Variants in ABCB11 observed in about 807,000 individuals in gnomAD.
ABCB11 encodes the protein bile salt export pump.
Under a neutral mutation model 148.0 loss-of-function variants are expected in ABCB11, and 95 were observed. That is an observed-to-expected ratio of 0.64 (90% CI 0.54 to 0.76). The LOEUF is 0.76. Among genes scored for constraint, ABCB11 ranks in the 30% least tolerant of loss-of-function variants. The pLI is 0.00. For synonymous variants in ABCB11, 591 were observed against 555.4 expected (o/e 1.06, Z -0.90); for missense variants, 1,523 against 1,617.8 (o/e 0.94, Z 1.01).
At position 168,990,785 on chromosome 2, in the gene ABCB11, A is replaced by C; in HGVS notation, c.908+16T>G. On this transcript the variant is annotated intron_variant, in intron 9 of 27. Transcript: ENST00000650372. ...TTGATGAAATTAAGGAAAGAATCAG[A>C]TTCCAATTAACCAACCTTTCAACCT... 1 of 1,612,314 alleles carries C rather than the reference A, an allele frequency of 6.2e-7. No homozygotes were observed. Among genetic ancestry groups the C allele is most frequent in the Non-Finnish European group, 8.5e-7 (1 of 1,179,028 alleles).
At chr2:168,935,143 T>C (rs367617369) in intron 23 of ABCB11, 41 bp downstream of exon 23, 48 of 1,610,232 alleles carry the variant, frequency 3.0e-5, no homozygotes, top group Non-Finnish European at 3.9e-5. Context: ...ATTCCTTCCT[T>C]GTGTGTTGAT....
chr2:169,016,345 C>T (rs1695355790), intron 3 of ABCB11, among the ~76,000 whole-genome samples: 2 of 152,204 alleles, frequency 1.3e-5, no homozygotes, highest in Non-Finnish European at 2.9e-5. Context: ...CTAATCCCGC[C>T]TTCATACCAG....
At chr2:168,944,988 A>G (rs983311275) in intron 19 of ABCB11, 27 bp from the exon 20 acceptor site, 2 of 1,387,762 alleles carry the variant, frequency 1.4e-6, no homozygotes, top group South Asian at 2.7e-5. Context: ...ACAAGAAAGT[A>G]ACTTTATTAT....
At chr2:169,013,629 T>A (rs1695260785) in intron 4 of ABCB11, 119 bp from the exon 5 acceptor site, 5 of 723,430 alleles carry the variant, frequency 6.9e-6, no homozygotes, top group Non-Finnish European at 1.1e-5. Flanking sequence ...TTCATGGGAA[T>A]CACCTTAATT....
intron 5 of ABCB11, among the ~76,000 whole-genome samples, chr2:169,012,421 T>G (rs796544986): frequency 3.3e-5 from 5 of 152,206 alleles, no homozygotes; most frequent in African/African-American, 1.2e-4. Context: ...ACTGTGTCTG[T>G]GTGAGTTCTG....
At chr2:168,993,655 G>T in intron 8 of ABCB11, 56 bp downstream of exon 8, 1 of 1,504,360 alleles carries the variant, frequency 6.6e-7, no homozygotes, top group Admixed American at 2.0e-5. Flanking sequence ...TCACATTTTT[G>T]GCTGTTTATG....
At chr2:168,916,687 T>C (rs955690538), downstream of ABCB11, among the ~76,000 whole-genome samples, 3 of 152,228 alleles carry the variant, frequency 2.0e-5, no homozygotes, top group Admixed American at 2.0e-4. Flanking sequence ...GTGAGATCAT[T>C]TACTTGATCT....
At chr2:168,972,939 A>G (rs188438306) in intron 13 of ABCB11, among the ~76,000 whole-genome samples, 7 of 152,070 alleles carry the variant, frequency 4.6e-5, no homozygotes, top group Non-Finnish European at 8.8e-5. Context: ...GGGCCTATGT[A>G]CCTTTGGGGG....
intron 9 of ABCB11, among the ~76,000 whole-genome samples, chr2:168,988,255 G>A (rs1573944926): frequency 6.6e-6 from 1 of 151,818 alleles, no homozygotes; most frequent in Non-Finnish European, 1.5e-5. Flanking sequence ...TTTGACCAAC[G>A]TCTCCCCAGT....
At chr2:168,985,657 T>C (rs1038022448) in intron 10 of ABCB11, among the ~76,000 whole-genome samples, 11 of 152,080 alleles carry the variant, frequency 7.2e-5, no homozygotes, top group African/African-American at 2.4e-4. Context: ...CTGGATGGGA[T>C]TGGAGACTGT....
At chr2:168,974,266 G>A (rs895782475) in intron 12 of ABCB11, among the ~76,000 whole-genome samples, 2 of 151,946 alleles carry the variant, frequency 1.3e-5, no homozygotes, top group African/African-American at 4.8e-5. Flanking sequence ...TTAACAGTAA[G>A]GAAATTTGCG....
At chr2:169,016,903 C>A (rs1181067317) in intron 2 of ABCB11, 104 bp from the exon 3 acceptor site, 2 of 798,778 alleles carry the variant, frequency 2.5e-6, no homozygotes, top group African/African-American at 1.8e-5. Context: ...TATAAATTAC[C>A]TTTATTCATG....
At chr2:168,969,228 C>T (rs767689811) in intron 16 of ABCB11, 122 bp downstream of exon 16, 1 of 869,220 alleles carries the variant, frequency 1.2e-6, no homozygotes, top group Non-Finnish European at 1.7e-6. Context: ...CCTTTACCAT[C>T]TATATAACGC....
At chr2:169,029,210 C>T (rs1217771288) in intron 1 of ABCB11, among the ~76,000 whole-genome samples, 1 of 152,006 alleles carries the variant, frequency 6.6e-6, no homozygotes, top group Non-Finnish European at 1.5e-5. Context: ...TCAGAGAGAA[C>T]AGAACTGCCC....
chr2:168,951,217 T>G (rs2105923256), intron 19 of ABCB11, among the ~76,000 whole-genome samples: 1 of 151,932 alleles, frequency 6.6e-6, no homozygotes, highest in South Asian at 2.1e-4. Context: ...TGCTTAGGAT[T>G]GCTTTGGCTA....
intron 8 of ABCB11, among the ~76,000 whole-genome samples, chr2:168,992,371 T>C (rs1309314409): frequency 2.6e-5 from 4 of 151,986 alleles, no homozygotes; most frequent in Non-Finnish European, 5.9e-5. Flanking sequence ...AGTGTGTATA[T>C]TACTTTATCA....
At position 168,922,231 on chromosome 2, in the gene ABCB11, C is replaced by T. The variant is rs538768446; in HGVS notation, c.*1391G>A. 2.8e-4 allele frequency among the ~76,000 whole-genome samples: 42 copies of T among 152,274 alleles called. No individual in the cohort carries two copies. Among genetic ancestry groups the T allele is most frequent in the Non-Finnish European group, 5.7e-4 (39 of 68,012 alleles). ...CAGAAGAGAGGGGCTGGGAGTTCTT[C>T]TGTTCATACACAGCTTTACATTCAA... On this transcript the variant is annotated 3_prime_UTR_variant, in exon 28 of 28. Transcript: ENST00000650372.
intron 25 of ABCB11, among the ~76,000 whole-genome samples, 184 bp downstream of exon 25, chr2:168,930,481 T>C (rs985177924): frequency 6.6e-6 from 1 of 152,166 alleles, no homozygotes; most frequent in Admixed American, 6.5e-5. Context: ...AAATCTGACA[T>C]TAGAAATTGT....
intron 17 of ABCB11, among the ~76,000 whole-genome samples, chr2:168,966,066 C>G (rs1693303211): frequency 1.3e-5 from 2 of 151,812 alleles, no homozygotes; most frequent in African/African-American, 4.8e-5. Context: ...TGGGACACCT[C>G]CAGAGACTCC....
Sources: allele counts gnomAD v4.1 joint callset (sites outside exome capture counted in the v4.1 genomes callset), GRCh38; gene constraint gnomAD v4.1.1; transcripts MANE v1.5; gene names NCBI Gene and HGNC (gene_info 2026-07-23, HGNC 2026-07-21).